Variants in EDIL3 observed in about 807,000 individuals in gnomAD.
The protein encoded by EDIL3 is EGF like and discoidin domains 3.
A neutral mutation model predicts 67.4 loss-of-function variants in EDIL3; 37 were observed. That is an observed-to-expected ratio of 0.55 (90% CI 0.42 to 0.72). EDIL3 has a LOEUF of 0.72. Ranked by LOEUF, EDIL3 falls within the 30% of genes least tolerant of loss-of-function variation. The pLI, the probability that EDIL3 is intolerant of heterozygous loss-of-function variation, is 0.00. For synonymous variants in EDIL3, 195 were observed against 196.3 expected, an observed-to-expected ratio of 0.99 and a Z score of 0.05; for missense variants, 527 against 586.3, an observed-to-expected ratio of 0.90 and a Z score of 1.04.
At position 84,079,819 on chromosome 5, in the gene EDIL3, GCA is replaced by G. The variant is rs142368043; in HGVS notation, c.652-13215_652-13214del. Among the ~76,000 whole-genome samples the G allele has an allele frequency of 8.6e-3, 1,307 of 151,950 alleles. 48 individuals carry two copies. In the East Asian group the frequency reaches 0.087, roughly 10 times the overall value. On this transcript the variant is annotated intron_variant, in intron 6 of 10. Coordinates refer to ENST00000296591, the MANE Select transcript of EDIL3 (RefSeq NM_005711.5). Reference sequence around the variant, plus strand: ...ATCACCTAAAGTTTCCAGTTAAAAAGCACAGTTAAAAAAGTTACAGGGATTTG... The same window carrying G: ...ATCACCTAAAGTTTCCAGTTAAAAAGCAGTTAAAAAAGTTACAGGGATTTG...
At position 84,305,774 on chromosome 5, in the gene EDIL3, G is replaced by A. The variant is rs569893809; in HGVS notation, c.68-51562C>T. ...CGTGCCTGTAATCCCAGCTACTCGGGAGGCTGAGGCAGGAGAATTGCTTGA... is the reference window on the plus strand; with the variant it reads ...CGTGCCTGTAATCCCAGCTACTCGGAAGGCTGAGGCAGGAGAATTGCTTGA... On this transcript the variant is annotated intron_variant, in intron 1 of 10. Transcript: ENST00000296591. Among the ~76,000 whole-genome samples the A allele has an allele frequency of 2.8e-4, 42 of 152,212 alleles. No homozygotes were observed. The East Asian group carries it at 4.6e-3, about 17-fold the overall frequency.
chr5:84,320,675 C>T (rs978023461), intron 1 of EDIL3, among the ~76,000 whole-genome samples: 3 of 152,118 alleles, frequency 2.0e-5, no homozygotes, highest in Admixed American at 6.6e-5. Flanking sequence ...AGAGCAAATC[C>T]GTTCCTCCAT....
At chr5:84,228,211 G>A (rs929443176) in intron 3 of EDIL3, among the ~76,000 whole-genome samples, 3 of 152,036 alleles carry the variant, frequency 2.0e-5, no homozygotes, top group Non-Finnish European at 1.5e-5. Flanking sequence ...GTTAACAGGG[G>A]TTGCTTCTCA....
intron 1 of EDIL3, among the ~76,000 whole-genome samples, chr5:84,308,094 A>G (rs1007753190): frequency 2.6e-5 from 4 of 152,158 alleles, no homozygotes; most frequent in African/African-American, 4.8e-5. Flanking sequence ...GGAGATATTT[A>G]AGGGATCACC....
chr5:83,963,907 A>G (rs963426380), intron 9 of EDIL3, among the ~76,000 whole-genome samples: 1 of 151,850 alleles, frequency 6.6e-6, no homozygotes, highest in Admixed American at 6.6e-5. Context: ...ATAATTGAGT[A>G]ATAGTAATCA....
chr5:84,172,049 C>T (rs1239567392), intron 4 of EDIL3, among the ~76,000 whole-genome samples: 2 of 152,080 alleles, frequency 1.3e-5, no homozygotes, highest in Non-Finnish European at 2.9e-5. Context: ...ATCTGGACCC[C>T]ACATGATTCA....
At chr5:84,216,941 A>G (rs911476083) in intron 3 of EDIL3, among the ~76,000 whole-genome samples, 1 of 152,166 alleles carries the variant, frequency 6.6e-6, no homozygotes, top group Non-Finnish European at 1.5e-5. Context: ...GAAAGAAAAT[A>G]CTTCATAGGC....
intron 1 of EDIL3, among the ~76,000 whole-genome samples, chr5:84,356,752 T>C (rs1016442366): frequency 2.6e-5 from 4 of 152,136 alleles, no homozygotes; most frequent in Non-Finnish European, 5.9e-5. Flanking sequence ...GCAGTGCTCT[T>C]ATTTCTTCTT....
At chr5:84,132,381 A>T (rs1284408079) in intron 5 of EDIL3, among the ~76,000 whole-genome samples, 3 of 15,164 alleles carry the variant, frequency 2.0e-4, no homozygotes, top group Admixed American at 2.4e-3. Flanking sequence ...TATTATATAT[A>T]ATATATTTTA....
At chr5:84,303,850 T>TTGTG (rs34367727) in intron 1 of EDIL3, among the ~76,000 whole-genome samples, 3 of 99,230 alleles carry the variant, frequency 3.0e-5, no homozygotes, top group African/African-American at 1.2e-4. Flanking sequence ...GTGTGTGTGT[T>TTGTG]TGTGTGTGTG....
At chr5:84,221,159 C>G (rs1744333476) in intron 3 of EDIL3, among the ~76,000 whole-genome samples, 1 of 151,990 alleles carries the variant, frequency 6.6e-6, no homozygotes, top group Non-Finnish European at 1.5e-5. Flanking sequence ...TAGATATTAA[C>G]ACATGCAACT....
At chr5:84,312,236 G>A (rs1426093218) in intron 1 of EDIL3, among the ~76,000 whole-genome samples, 6 of 146,266 alleles carry the variant, frequency 4.1e-5, no homozygotes, top group African/African-American at 1.0e-4. Context: ...CGGGTGGGGG[G>A]CTGACCCCCC....
intron 6 of EDIL3, among the ~76,000 whole-genome samples, chr5:84,102,747 C>A (rs1293108686): frequency 1.3e-5 from 2 of 151,842 alleles, no homozygotes; most frequent in African/African-American, 4.8e-5. Context: ...AATGGAAAAA[C>A]CATTCCATGC....
intron 1 of EDIL3, among the ~76,000 whole-genome samples, chr5:84,275,245 G>A (rs1008804193): frequency 1.3e-5 from 2 of 152,150 alleles, no homozygotes; most frequent in East Asian, 3.9e-4. Flanking sequence ...CTAGAAACCA[G>A]TTTCAATGAG....
intron 1 of EDIL3, among the ~76,000 whole-genome samples, chr5:84,342,793 AAC>A (rs1451464088): frequency 6.6e-6 from 1 of 151,976 alleles, no homozygotes; most frequent in East Asian, 1.9e-4. Context: ...CTATTTTTTG[AAC>A]ACAGAACAGC....
At chr5:84,218,122 T>A (rs1228804400) in intron 3 of EDIL3, among the ~76,000 whole-genome samples, 3 of 152,194 alleles carry the variant, frequency 2.0e-5, no homozygotes, top group African/African-American at 7.2e-5. Flanking sequence ...TGTAGCAACA[T>A]ATAAACAAAT....
In EDIL3 at chr5:84,132,118, C is replaced by T. The variant is rs1335447720; in HGVS notation, c.469+5123G>A. Among the ~76,000 whole-genome samples, 3 of 149,662 alleles carry T rather than the reference C, an allele frequency of 2.0e-5. No homozygotes were observed. The Admixed American group carries it at 2.0e-4, about 10-fold the overall frequency. On this transcript the variant is annotated intron_variant, in intron 5 of 10. Coordinates refer to ENST00000296591, the MANE Select transcript of EDIL3 (RefSeq NM_005711.5). ...GGCGTGGTGGCAGGCACCTGTAATC[C>T]CAGCTACTTGGGAGGCTGAGGCAGG...
chr5:84,211,727 G>C (rs1007128031), intron 3 of EDIL3, among the ~76,000 whole-genome samples: 1 of 152,206 alleles, frequency 6.6e-6, no homozygotes, highest in Non-Finnish European at 1.5e-5. Flanking sequence ...CCCTCAGAGA[G>C]AGCATGGCCT....
intron 9 of EDIL3, among the ~76,000 whole-genome samples, chr5:83,986,613 C>T (rs1303908748): frequency 2.0e-5 from 3 of 152,034 alleles, no homozygotes; most frequent in Non-Finnish European, 2.9e-5. Context: ...TACTAAAATT[C>T]CCTTGTGGGG....
Sources: allele counts gnomAD v4.1 joint callset (sites outside exome capture counted in the v4.1 genomes callset), GRCh38; gene constraint gnomAD v4.1.1; transcripts MANE v1.5; gene names NCBI Gene and HGNC (gene_info 2026-07-23, HGNC 2026-07-21).